NICN1: variants seen among roughly 807,000 people sequenced by gnomAD.
NICN1 encodes the protein nicolin 1, tubulin polyglutamylase complex subunit, also known as nicolin-1.
A neutral mutation model predicts 26.3 loss-of-function variants in NICN1; 18 were observed. The ratio of observed to expected loss-of-function variants is 0.68; its 90% CI spans 0.47 to 1.01. The LOEUF is 1.01. Ranked by LOEUF, NICN1 falls within the 50% of genes least tolerant of loss-of-function variation. NICN1 has a pLI of 0.00. For missense variants in NICN1, 239 were observed against 278.3 expected, an observed-to-expected ratio of 0.86 and a Z score of 1.00; for synonymous variants, 109 against 111.0, an observed-to-expected ratio of 0.98 and a Z score of 0.11.
At chr3:49,429,074 G>A in intron 1 of NICN1, 34 bp downstream of exon 1, 4 of 1,555,680 alleles carry the variant, frequency 2.6e-6, no homozygotes, top group South Asian at 1.2e-5. Flanking sequence ...GGCCCCGCCC[G>A]GGAGCCTCGG....
chr3:49,425,645 A>G (rs2049163794), intron 3 of NICN1, among the ~76,000 whole-genome samples: 1 of 152,066 alleles, frequency 6.6e-6, no homozygotes, highest in South Asian at 2.1e-4. Flanking sequence ...CACAAGCTCA[A>G]AAGTGTCTCC....
rs1261509963 is a variant in NICN1, at chr3:49,426,422, CCTGCAACTAGAACA to C, written c.133-8_138del. 9 of 1,613,980 alleles carry C rather than the reference CCTGCAACTAGAACA, an allele frequency of 5.6e-6. No individual in the cohort carries two copies. Among genetic ancestry groups the C allele is most frequent in the Non-Finnish European group, 7.6e-6 (9 of 1,179,902 alleles). ...GTGTAGTAATTCTTAAACGTGATTT[CCTGCAACTAGAACA>C]CATACAACCCATTACAACAAGTCAG... On this transcript the variant is annotated splice_acceptor_variant and splice_polypyrimidine_tract_variant and coding_sequence_variant and intron_variant, in exon 2 of 6. Coordinates refer to ENST00000273598, the MANE Select transcript of NICN1 (RefSeq NM_032316.3). LOFTEE classifies it high-confidence loss of function.
Position 49,426,197 on chromosome 3 carries a change from C to A in NICN1, c.309+55G>T, listed in dbSNP as rs547889940. 2.6e-6 allele frequency: 4 copies of A among 1,560,378 alleles called. No homozygotes were observed. The African/African-American group carries it at 4.1e-5, about 16-fold the overall frequency. On this transcript the variant is annotated intron_variant, in intron 2 of 5. Transcript: ENST00000273598. ...TCTTGGTATATTGATCCAATCCCCC[C>A]ACCTCTGGTAAGTCCTCATCTGGGC...
chr3:49,424,914 C>A (rs748363060), intron 5 of NICN1, 35 bp downstream of exon 5: 4 of 1,613,124 alleles, frequency 2.5e-6, no homozygotes, highest in Non-Finnish European at 3.4e-6. Context: ...CTGCTCAGGG[C>A]AAAGCAAGCC....
chr3:49,422,401 G>T lies in NICN1; in HGVS notation c.*2432C>A. Reference sequence around the variant, plus strand: ...TGGACGACACAAGGCCGGGGGGAATGCCTGCAGGCGAAAGCCCAGACGGGC... The same window carrying T: ...TGGACGACACAAGGCCGGGGGGAATTCCTGCAGGCGAAAGCCCAGACGGGC... On this transcript the variant is annotated 3_prime_UTR_variant, in exon 6 of 6. Transcript: ENST00000273598. 1.2e-6 allele frequency: 2 copies of T among 1,613,388 alleles called. No individual in the cohort carries two copies. Among genetic ancestry groups the T allele is most frequent in the Non-Finnish European group, 1.7e-6 (2 of 1,179,840 alleles).
chr3:49,429,118 G>A lies in NICN1; in HGVS notation c.122C>T (p.Ala41Val). 1 of 1,607,134 alleles carries A rather than the reference G, an allele frequency of 6.2e-7. No homozygotes were observed. Among genetic ancestry groups the A allele is most frequent in the Non-Finnish European group, 8.5e-7 (1 of 1,176,968 alleles). The change falls in exon 1 of 6, where the codon GCT (alanine) becomes GTT (valine). Residue 41 changes from alanine to valine, a missense_variant. Coordinates refer to ENST00000273598, the MANE Select transcript of NICN1 (RefSeq NM_032316.3). ...ACCAGGCTTGCTCACCTCGAAGGGA[G>A]CGACGCTGGGGAAGGTGACATCGAT... ...LVIDVTFPSVAPFELQEITFK... is the reference protein window; with the variant it reads ...LVIDVTFPSVVPFELQEITFK...
intron 1 of NICN1, among the ~76,000 whole-genome samples, chr3:49,428,169 G>A (rs1317687939): frequency 2.0e-5 from 3 of 151,530 alleles, no homozygotes; most frequent in Admixed American, 6.6e-5. Context: ...GCAGTGAGCC[G>A]AGATCGCGCC....
At position 49,426,429 on chromosome 3, in the gene NICN1, C is replaced by G. The variant is rs775579960; in HGVS notation, c.133-1G>C. ...AATTCTTAAACGTGATTTCCTGCAA[C>G]TAGAACACATACAACCCATTACAAC... On this transcript the variant is annotated splice_acceptor_variant, in intron 1 of 5. Coordinates refer to ENST00000273598, the MANE Select transcript of NICN1 (RefSeq NM_032316.3). LOFTEE classifies it high-confidence loss of function. 2 of 1,613,594 alleles carry G rather than the reference C, an allele frequency of 1.2e-6. No individual in the cohort carries two copies. The highest frequency in any genetic ancestry group is 2.7e-5 in the African/African-American group (2 of 74,908).
At chr3:49,426,528 T>G (rs2049171622) in intron 1 of NICN1, 100 bp from the exon 2 acceptor site, 1 of 849,250 alleles carries the variant, frequency 1.2e-6, no homozygotes, top group Non-Finnish European at 1.8e-6. Flanking sequence ...CCCCACCTTT[T>G]CTTTTTTTTT....
In NICN1 at chr3:49,422,380, C is replaced by T. The variant is rs142950858; in HGVS notation, c.*2453G>A. 19 of 1,613,646 alleles carry T rather than the reference C, an allele frequency of 1.2e-5. No individual in the cohort carries two copies. Among genetic ancestry groups the T allele is most frequent in the African/African-American group, 5.3e-5 (4 of 74,910 alleles). On this transcript the variant is annotated 3_prime_UTR_variant, in exon 6 of 6. Coordinates refer to ENST00000273598, the MANE Select transcript of NICN1 (RefSeq NM_032316.3). ...TCCCACCTGTGCGCAACTAAGTGGA[C>T]GACACAAGGCCGGGGGGAATGCCTG...
chr3:49,424,766 C>T lies in NICN1; in HGVS notation c.*67G>A, dbSNP rs1455942220. ...GGAATGCACAGGAAATACACTTCAG[C>T]CTCTGGTGGCCCAAACCAAGTCTGG... On this transcript the variant is annotated 3_prime_UTR_variant, in exon 6 of 6. Coordinates refer to ENST00000273598, the MANE Select transcript of NICN1 (RefSeq NM_032316.3). 7 of 1,279,616 alleles carry T rather than the reference C, an allele frequency of 5.5e-6. No homozygotes were observed. Among genetic ancestry groups the T allele is most frequent in the Non-Finnish European group, 8.0e-6 (7 of 875,400 alleles). The allele number at this position is 1,279,616 out of a possible 1,614,324, so 79.3% of individuals were successfully genotyped here.
intron 1 of NICN1, among the ~76,000 whole-genome samples, chr3:49,427,620 G>A (rs1254855186): frequency 2.0e-5 from 3 of 148,928 alleles, no homozygotes; most frequent in Non-Finnish European, 4.4e-5. Context: ...TCCAGCCTGG[G>A]TGACAAAACG....
At chr3:49,425,833 T>G in intron 3 of NICN1, 50 bp downstream of exon 3, 1 of 1,013,048 alleles carries the variant, frequency 9.9e-7, no homozygotes, top group Non-Finnish European at 1.5e-6. Flanking sequence ...TTCCCAGTCA[T>G]AGAAGCTTTC....
At chr3:49,425,503 G>C in intron 3 of NICN1, 65 bp from the exon 4 acceptor site, 2 of 1,372,060 alleles carry the variant, frequency 1.5e-6, no homozygotes, top group Non-Finnish European at 2.0e-6. Flanking sequence ...CAGATTCCAA[G>C]GTCCTAGGAG....
Position 49,425,931 on chromosome 3 carries a change from C to G in NICN1, c.375G>C (p.Trp125Cys). 6.2e-7 allele frequency: 1 copy of G among 1,611,376 alleles called. No individual in the cohort carries two copies. Among genetic ancestry groups the G allele is most frequent in the African/African-American group, 1.3e-5 (1 of 75,002 alleles). The change falls in exon 3 of 6, where the codon TGG (tryptophan) becomes TGC (cysteine). Residue 125 changes from tryptophan to cysteine, a missense_variant. Coordinates refer to ENST00000273598, the MANE Select transcript of NICN1 (RefSeq NM_032316.3). Reference sequence around the variant, plus strand: ...GCAGCTCCTCCACTGTGAAAGACAGCCACAGTGGTGATGGCTGCCGCAGAA... The same window carrying G: ...GCAGCTCCTCCACTGTGAAAGACAGGCACAGTGGTGATGGCTGCCGCAGAA... ...RLILRQPSPL[W>C]LSFTVEELQI...
intron 2 of NICN1, 68 bp from the exon 3 acceptor site, chr3:49,426,064 G>A: frequency 8.4e-7 from 1 of 1,188,168 alleles, no homozygotes; most frequent in South Asian, 1.3e-5. Flanking sequence ...AACCAGCAAT[G>A]AGCCAGAATG....
At chr3:49,425,302 C>T in intron 4 of NICN1, 65 bp downstream of exon 4, 1 of 1,362,626 alleles carries the variant, frequency 7.3e-7, no homozygotes, top group Non-Finnish European at 1.0e-6. Flanking sequence ...AGGAAGGGGT[C>T]TACCTGGCCT....
chr3:49,424,180 C>T lies in NICN1; in HGVS notation c.*653G>A, dbSNP rs1156588501. 6.5e-6 allele frequency: 1 copy of T among 154,278 alleles called. No homozygotes were observed. Among genetic ancestry groups the T allele is most frequent in the Non-Finnish European group, 1.4e-5 (1 of 69,648 alleles). The allele number at this position is 154,278 out of a possible 1,614,324, so 9.6% of individuals were successfully genotyped here. On this transcript the variant is annotated 3_prime_UTR_variant, in exon 6 of 6. Coordinates refer to ENST00000273598, the MANE Select transcript of NICN1 (RefSeq NM_032316.3). ...AGGGTCCCAGTTCTTATGCTCAGGCCCTGGTTTTGCTAGAGACACGTGCCC... is the reference window on the plus strand; with the variant it reads ...AGGGTCCCAGTTCTTATGCTCAGGCTCTGGTTTTGCTAGAGACACGTGCCC...
intron 1 of NICN1, among the ~76,000 whole-genome samples, chr3:49,427,644 GAAAAAAAAA>G (rs58773326): frequency 9.7e-6 from 1 of 102,822 alleles, no homozygotes; most frequent in Non-Finnish European, 1.9e-5. Context: ...CTACCTCTCA[GAAAAAAAAA>G]AAAAAAAAAA....
Sources: allele counts gnomAD v4.1 joint callset (sites outside exome capture counted in the v4.1 genomes callset), GRCh38; gene constraint gnomAD v4.1.1; transcripts MANE v1.5; gene names NCBI Gene and HGNC (gene_info 2026-07-23, HGNC 2026-07-21).